Variants in NTM observed in about 807,000 individuals in gnomAD.
The protein encoded by NTM is IgLON family member 2.
Under a neutral mutation model 42.1 loss-of-function variants are expected in NTM, and 13 were observed. The observed-to-expected ratio is 0.31, with a 90% CI of 0.20 to 0.49. The LOEUF is 0.49. Ranked by LOEUF, NTM falls within the 20% of genes least tolerant of loss-of-function variation. NTM has a pLI of 0.99. For missense variants in NTM, 373 were observed against 452.8 expected, an observed-to-expected ratio of 0.82 and a Z score of 1.60; for synonymous variants, 187 against 179.2, an observed-to-expected ratio of 1.04 and a Z score of -0.35.
intron 1 of NTM, among the ~76,000 whole-genome samples, chr11:131,749,286 C>T (rs1395244765): frequency 6.6e-6 from 1 of 152,172 alleles, no homozygotes; most frequent in African/African-American, 2.4e-5. Context: ...GATGTATAAG[C>T]CACACTTTCC....
intron 1 of NTM, chr11:131,582,160 A>G (rs7937283): frequency 0.61 from 92,487 of 152,024 alleles, 28,416 homozygotes; most frequent in African/African-American, 0.69. Flanking sequence ...CCAGCCTCTA[A>G]AATGCAGAAC....
chr11:131,849,970 A>G (rs749965840), intron 1 of NTM, among the ~76,000 whole-genome samples: 2 of 16,284 alleles, frequency 1.2e-4, no homozygotes, highest in Non-Finnish European at 4.2e-4. Flanking sequence ...TTAAAGTATA[A>G]TAATAATAAT....
At chr11:131,426,432 G>T (rs1406497482) in intron 1 of NTM, among the ~76,000 whole-genome samples, 1 of 152,130 alleles carries the variant, frequency 6.6e-6, no homozygotes, top group Non-Finnish European at 1.5e-5. Context: ...TAGCTCAAAG[G>T]AGCCCCGTAT....
intron 1 of NTM, among the ~76,000 whole-genome samples, chr11:131,450,442 C>A (rs553592370): frequency 6.6e-6 from 1 of 152,122 alleles, no homozygotes; most frequent in Non-Finnish European, 1.5e-5. Context: ...CGCCTGGGAC[C>A]CTTCTCCCTT....
intron 2 of NTM, among the ~76,000 whole-genome samples, chr11:131,935,714 G>A (rs1054632523): frequency 9.2e-5 from 14 of 152,120 alleles, no homozygotes; most frequent in Admixed American, 7.2e-4. Context: ...CTCATCCATA[G>A]AATGATATAT....
In NTM at chr11:131,753,641, A is replaced by G. The variant is rs1030822836; in HGVS notation, c.83-157923A>G. Among the ~76,000 whole-genome samples the G allele has an allele frequency of 2.3e-4, 35 of 150,412 alleles. 1 individual carries two copies. Among genetic ancestry groups the G allele is most frequent in the South Asian group, 1.3e-3 (6 of 4,796 alleles). ...ATCATTCTCAGTAAACTATCCCAAGAACAAAAAACCAAACACTGCATATTC... is the reference window on the plus strand; with the variant it reads ...ATCATTCTCAGTAAACTATCCCAAGGACAAAAAACCAAACACTGCATATTC... On this transcript the variant is annotated intron_variant, in intron 1 of 8. Coordinates refer to ENST00000683400, the MANE Select transcript of NTM (RefSeq NM_001352005.2).
intron 4 of NTM, among the ~76,000 whole-genome samples, chr11:132,241,833 T>A (rs2090254762): frequency 6.6e-6 from 1 of 152,260 alleles, no homozygotes. Context: ...TGATTTATAG[T>A]ACATTCATCA....
intron 1 of NTM, among the ~76,000 whole-genome samples, chr11:131,556,993 G>A (rs563046718): frequency 5.9e-4 from 90 of 152,302 alleles, no homozygotes; most frequent in African/African-American, 2.1e-3. Flanking sequence ...CTTGGTGTCT[G>A]TGCATGCGTG....
At chr11:131,971,358 T>C (rs896723877) in intron 2 of NTM, among the ~76,000 whole-genome samples, 8 of 152,236 alleles carry the variant, frequency 5.3e-5, no homozygotes, top group African/African-American at 1.9e-4. Context: ...CTCGGCTTTT[T>C]CTTATGTGTA....
intron 1 of NTM, among the ~76,000 whole-genome samples, chr11:131,427,271 G>C (rs75799018): frequency 0.021 from 3,250 of 152,162 alleles, 125 homozygotes; most frequent in African/African-American, 0.074. Flanking sequence ...TAAGGTCTGG[G>C]ATAAAAAATC....
chr11:131,907,541 T>A (rs565871325), intron 1 of NTM, among the ~76,000 whole-genome samples: 1 of 152,238 alleles, frequency 6.6e-6, no homozygotes, highest in Non-Finnish European at 1.5e-5. Context: ...AGATATTTTT[T>A]ATAACCTGAA....
intron 2 of NTM, among the ~76,000 whole-genome samples, chr11:132,141,740 A>C (rs1249335813): frequency 6.6e-6 from 1 of 152,222 alleles, no homozygotes; most frequent in East Asian, 1.9e-4. Flanking sequence ...ACAGACTAAG[A>C]AGGGGACTGT....
At chr11:132,152,210 C>A (rs1308605212) in intron 3 of NTM, among the ~76,000 whole-genome samples, 1 of 152,244 alleles carries the variant, frequency 6.6e-6, no homozygotes, top group Non-Finnish European at 1.5e-5. Context: ...CCAGACATGT[C>A]ACCCAGAAAG....
At chr11:131,662,123 T>TG (rs2068182626) in intron 1 of NTM, 1 of 152,252 alleles carries the variant, frequency 6.6e-6, no homozygotes, top group Admixed American at 6.5e-5. Context: ...ACAAAAATAC[T>TG]AGAACTTGTT....
At chr11:132,233,614 G>T (rs1311067986) in intron 4 of NTM, among the ~76,000 whole-genome samples, 1 of 152,144 alleles carries the variant, frequency 6.6e-6, no homozygotes, top group Non-Finnish European at 1.5e-5. Flanking sequence ...AGTTTTATCA[G>T]AACACAGCCA....
At chr11:131,654,102 A>T (rs1449924070) in intron 1 of NTM, among the ~76,000 whole-genome samples, 1 of 152,202 alleles carries the variant, frequency 6.6e-6, no homozygotes, top group African/African-American at 2.4e-5. Context: ...GTGGGAGAAG[A>T]CAACCTTGTT....
chr11:131,628,630 A>T (rs1414560607), intron 1 of NTM, among the ~76,000 whole-genome samples: 4 of 152,176 alleles, frequency 2.6e-5, no homozygotes, highest in African/African-American at 9.7e-5. Flanking sequence ...CACTCCCAGT[A>T]CTAATTATCT....
intron 2 of NTM, among the ~76,000 whole-genome samples, chr11:131,955,835 T>C (rs2061503681): frequency 6.6e-6 from 1 of 152,188 alleles, no homozygotes. Flanking sequence ...ATGTCCGCGC[T>C]TTGACTTTTA....
chr11:132,075,568 C>G (rs2058257776), intron 2 of NTM, among the ~76,000 whole-genome samples: 1 of 152,148 alleles, frequency 6.6e-6, no homozygotes, highest in Non-Finnish European at 1.5e-5. Flanking sequence ...TTCTGATGAT[C>G]TCAGGTTCAT....
Sources: gnomAD v4.1 joint callset for allele counts (sites outside exome capture counted in the v4.1 genomes callset) on GRCh38, gnomAD v4.1.1 for gene constraint, MANE v1.5 for transcripts, NCBI Gene and HGNC (gene_info 2026-07-23, HGNC 2026-07-21) for gene names.